The following FOXO3 variants were observed in gnomAD, a reference collection of about 807,000 sequenced individuals.
FOXO3 encodes the protein forkhead box O3.
In FOXO3, 4 loss-of-function variants were observed where a neutral mutation model predicts 41.9. The ratio of observed to expected loss-of-function variants is 0.10; its 90% CI spans 0.05 to 0.22. The LOEUF (loss-of-function observed/expected upper bound fraction) is 0.22, where lower values mean the gene tolerates loss of function less well. Among genes scored for constraint, FOXO3 ranks in the 10% least tolerant of loss-of-function variants. FOXO3 has a pLI of 1.00. For missense variants in FOXO3, 534 were observed against 906.8 expected, an observed-to-expected ratio of 0.59 and a Z score of 5.28; for synonymous variants, 318 against 389.3, an observed-to-expected ratio of 0.82 and a Z score of 2.16.
chr6:108,577,300 G>C (rs1188397981), intron 1 of FOXO3, among the ~76,000 whole-genome samples: 2 of 152,088 alleles, frequency 1.3e-5, no homozygotes, highest in African/African-American at 4.8e-5. Context: ...TGATCGTCTA[G>C]CCATTTCTGA....
chr6:108,561,216 AGGCACC>A lies in FOXO3; in HGVS notation c.12_17del (p.Pro5_Ala6del). ...GGCGGGCGGGCGGCGAAGATGGCAG[AGGCACC>A]GGCTTCCCCGGCCCCGCTCTCTCCG... On this transcript the variant is annotated inframe_deletion, in exon 1 of 3. Transcript: ENST00000406360. 1.3e-6 allele frequency: 2 copies of A among 1,541,070 alleles called. No individual in the cohort carries two copies.
rs1258587435 is a variant in FOXO3, at chr6:108,561,133, C to T, written c.-76C>T. The T allele has an allele frequency of 6.8e-7, 1 of 1,470,464 alleles. No individual in the cohort carries two copies. The highest frequency in any genetic ancestry group is 8.9e-7 in the Non-Finnish European group (1 of 1,117,998). 91.1% of individuals were successfully genotyped at this position (1,470,464 alleles called of 1,614,324 possible). A position where few individuals can be genotyped will look rare whatever the true frequency, so the allele number is the denominator to read the frequency against. On this transcript the variant is annotated 5_prime_UTR_variant, in exon 1 of 3. Coordinates refer to ENST00000406360, the MANE Select transcript of FOXO3 (RefSeq NM_001455.4). ...GCCGGAGCCTTCGCGGCGTCCACGT[C>T]CCTCCCCCGCTGCACCCCGCCCCGG... is the stretch of plus-strand genomic sequence containing the variant.
chr6:108,668,369 T>C (rs1779117186), intron 2 of FOXO3, among the ~76,000 whole-genome samples: 2 of 152,188 alleles, frequency 1.3e-5, no homozygotes, highest in Admixed American at 6.5e-5. Context: ...CCATACTTTT[T>C]TGGAGGGCTG....
chr6:108,585,909 T>C (rs1430539104), intron 1 of FOXO3, among the ~76,000 whole-genome samples: 1 of 152,200 alleles, frequency 6.6e-6, no homozygotes, highest in African/African-American at 2.4e-5. Flanking sequence ...GCTGCCCTTA[T>C]GTCTCCTTCA....
intron 1 of FOXO3, among the ~76,000 whole-genome samples, chr6:108,566,438 A>G (rs1775948902): frequency 6.6e-6 from 1 of 152,186 alleles, no homozygotes; most frequent in Non-Finnish European, 1.5e-5. Context: ...TGTCTCACTA[A>G]TAAGTCATTT....
intron 1 of FOXO3, among the ~76,000 whole-genome samples, chr6:108,614,515 T>C (rs1445707825): frequency 3.3e-5 from 5 of 152,142 alleles, no homozygotes; most frequent in Non-Finnish European, 7.4e-5. Context: ...TGTTCATTAA[T>C]AACTGTTAAT....
intron 1 of FOXO3, among the ~76,000 whole-genome samples, chr6:108,569,693 G>A (rs1485852431): frequency 1.3e-5 from 2 of 152,260 alleles, no homozygotes; most frequent in Non-Finnish European, 1.5e-5. Flanking sequence ...ATCTTCTGGA[G>A]GCTCACCACA....
intron 1 of FOXO3, among the ~76,000 whole-genome samples, chr6:108,580,302 C>A (rs1024922142): frequency 1.9e-4 from 27 of 145,676 alleles, no homozygotes; most frequent in African/African-American, 6.9e-4. Flanking sequence ...AATTTACTTG[C>A]CTCAGGCTCC....
intron 1 of FOXO3, among the ~76,000 whole-genome samples, chr6:108,620,518 G>C (rs1352737468): frequency 1.3e-5 from 2 of 152,150 alleles, no homozygotes; most frequent in Non-Finnish European, 2.9e-5. Flanking sequence ...AGATGGTAGG[G>C]CTGTACACAG....
intron 1 of FOXO3, among the ~76,000 whole-genome samples, chr6:108,663,220 C>T (rs1778923321): frequency 6.6e-6 from 1 of 152,146 alleles, no homozygotes; most frequent in African/African-American, 2.4e-5. Flanking sequence ...AAAAATACAA[C>T]AATTAACTGG....
chr6:108,615,086 G>A (rs540522825), intron 1 of FOXO3, among the ~76,000 whole-genome samples: 74 of 152,068 alleles, frequency 4.9e-4, no homozygotes, highest in Non-Finnish European at 8.4e-4. Flanking sequence ...CTACATGTAT[G>A]TTATAAGCCC....
In FOXO3 at chr6:108,664,328, G is replaced by A. The variant is rs1778982390; in HGVS notation, c.1495G>A (p.Ala499Thr). The A allele has an allele frequency of 3.8e-6, 6 of 1,595,310 alleles. No individual in the cohort carries two copies. Among genetic ancestry groups the A allele is most frequent in the African/African-American group, 1.3e-5 (1 of 74,450 alleles). ...CCCCTTGATGTCTCAGGCCAGCACCGCTGTGTCTGCCCAGAATTCCCGCCG... is the reference window on the plus strand; with the variant it reads ...CCCCTTGATGTCTCAGGCCAGCACCACTGTGTCTGCCCAGAATTCCCGCCG... Reference protein sequence around the residue: ...SDPLMSQASTAVSAQNSRRNV... With the variant: ...SDPLMSQASTTVSAQNSRRNV... Residue 499 changes from alanine to threonine, a missense_variant, in exon 2 of 3, where the codon GCT becomes ACT. Coordinates refer to ENST00000406360, the MANE Select transcript of FOXO3 (RefSeq NM_001455.4).
At chr6:108,563,052 C>T (rs994738864) in intron 1 of FOXO3, among the ~76,000 whole-genome samples, 16 of 152,024 alleles carry the variant, frequency 1.1e-4, no homozygotes, top group Non-Finnish European at 2.1e-4. Flanking sequence ...TCCCTTTCTT[C>T]ATTGTCATTG....
chr6:108,569,024 G>A (rs187281496), intron 1 of FOXO3, among the ~76,000 whole-genome samples: 1 of 152,182 alleles, frequency 6.6e-6, no homozygotes, highest in Admixed American at 6.5e-5. Context: ...CCATAGAATT[G>A]TTTTGCCTAA....
intron 1 of FOXO3, among the ~76,000 whole-genome samples, chr6:108,581,536 A>C (rs190333156): frequency 6.6e-6 from 1 of 152,300 alleles, no homozygotes; most frequent in East Asian, 1.9e-4. Context: ...TTTAAAATGC[A>C]AGCAGATTTA....
rs1202195737 is a variant in FOXO3 at position 108,661,231 on chromosome 6, G to A, written c.622-2224G>A. Among the ~76,000 whole-genome samples, 6 of 152,226 alleles carry A rather than the reference G, an allele frequency of 3.9e-5. No individual in the cohort carries two copies. In the South Asian group the frequency reaches 1.0e-3, roughly 26 times the overall value. The stretch of plus-strand genomic sequence containing the variant: ...CACTCCAGCCTGGGTGACAGAGTGG[G>A]ACTCTGTCTCGGGCGGCGGGGGGAA... On this transcript the variant is annotated intron_variant, in intron 1 of 2. Transcript: ENST00000406360.
intron 1 of FOXO3, among the ~76,000 whole-genome samples, chr6:108,658,186 G>A (rs1422047653): frequency 1.3e-5 from 2 of 152,150 alleles, no homozygotes; most frequent in Admixed American, 6.5e-5. Context: ...GTAACTGGGC[G>A]TTTGAACTGG....
intron 1 of FOXO3, among the ~76,000 whole-genome samples, chr6:108,634,539 C>T (rs1778063447): frequency 6.6e-6 from 1 of 152,096 alleles, no homozygotes. Context: ...ATCTAGGGTG[C>T]TTGAGGTTGT....
chr6:108,620,094 T>C (rs1161544712), intron 1 of FOXO3, among the ~76,000 whole-genome samples: 1 of 152,194 alleles, frequency 6.6e-6, no homozygotes, highest in Non-Finnish European at 1.5e-5. Context: ...GCCAAGAGCA[T>C]GGTGCCTTCC....
Sources: allele counts gnomAD v4.1 joint callset (sites outside exome capture counted in the v4.1 genomes callset), GRCh38; gene constraint gnomAD v4.1.1; transcripts MANE v1.5; gene names NCBI Gene and HGNC (gene_info 2026-07-23, HGNC 2026-07-21).